Variants in CCSER1 observed in about 807,000 individuals in gnomAD.
CCSER1 encodes serine-rich coiled-coil domain-containing protein 1.
Under a neutral mutation model 82.0 loss-of-function variants are expected in CCSER1, and 41 were observed. That is an observed-to-expected ratio of 0.50 (90% CI 0.39 to 0.65). The LOEUF is 0.65. Ranked by LOEUF, CCSER1 falls within the 30% of genes least tolerant of loss-of-function variation. The pLI is 0.00. For missense variants in CCSER1, 1,119 were observed against 1,064.2 expected (o/e 1.05, Z -0.72); for synonymous variants, 414 against 383.9 (o/e 1.08, Z -0.92).
chr4:90,360,579 C>CAAAAAA (rs61140876), intron 3 of CCSER1, among the ~76,000 whole-genome samples: 10 of 75,972 alleles, frequency 1.3e-4, no homozygotes, highest in African/African-American at 4.9e-4. Flanking sequence ...GACTCCGTCT[C>CAAAAAA]AAAAAAAAAA....
chr4:90,323,827 A>C (rs1737618826), intron 3 of CCSER1, among the ~76,000 whole-genome samples: 2 of 150,800 alleles, frequency 1.3e-5, no homozygotes, highest in South Asian at 4.2e-4. Context: ...CTCTCTTCCC[A>C]CCCCACAACA....
Position 91,159,281 on chromosome 4 carries a change from A to G in CCSER1, c.2217+73287A>G, listed in dbSNP as rs183752493. Among the ~76,000 whole-genome samples the G allele has an allele frequency of 1.1e-3, 161 of 152,094 alleles. 1 individual carries two copies. The highest frequency in any genetic ancestry group is 3.7e-3 in the African/African-American group (154 of 41,532). On this transcript the variant is annotated intron_variant, in intron 10 of 10. Coordinates refer to ENST00000509176, the MANE Select transcript of CCSER1 (RefSeq NM_001145065.2). Reference sequence around the variant, plus strand: ...AAAATCTCAACCATTGTTAATGCCTATATTAAATCAATGCCATGCTGAAAA... The same window carrying G: ...AAAATCTCAACCATTGTTAATGCCTGTATTAAATCAATGCCATGCTGAAAA...
At chr4:91,426,521 A>T in intron 10 of CCSER1, among the ~76,000 whole-genome samples, 1 of 152,104 alleles carries the variant, frequency 6.6e-6, no homozygotes, top group East Asian at 1.9e-4. Flanking sequence ...AAAAAAAGAA[A>T]AGTAGTGGAT....
At chr4:90,656,919 CT>C (rs1729804532) in intron 6 of CCSER1, among the ~76,000 whole-genome samples, 1 of 151,880 alleles carries the variant, frequency 6.6e-6, no homozygotes, top group African/African-American at 2.4e-5. Context: ...CATTAAAATA[CT>C]TTATTTATCT....
At chr4:90,765,762 C>T (rs1280671202) in intron 7 of CCSER1, among the ~76,000 whole-genome samples, 1 of 152,066 alleles carries the variant, frequency 6.6e-6, no homozygotes, top group African/African-American at 2.4e-5. Context: ...CAGACTGATA[C>T]ATTGATAAGG....
chr4:90,236,387 A>C (rs1167370762), intron 1 of CCSER1, among the ~76,000 whole-genome samples: 1 of 152,160 alleles, frequency 6.6e-6, no homozygotes, highest in African/African-American at 2.4e-5. Flanking sequence ...TTACAAAACA[A>C]ATTGTTTACC....
rs373705992 is a variant in CCSER1, at chr4:90,533,982, A to G, written c.1724+65628A>G. Among the ~76,000 whole-genome samples, 22 of 152,360 alleles carry G rather than the reference A, an allele frequency of 1.4e-4. No homozygotes were observed. The East Asian group carries it at 3.5e-3, about 24-fold the overall frequency. On this transcript the variant is annotated intron_variant, in intron 5 of 10. Transcript: ENST00000509176. ...AGAATAATACAGTTTCCTGAAAGTA[A>G]TTATGTTGCCAAAGTTTACAGACAG...
intron 10 of CCSER1, among the ~76,000 whole-genome samples, chr4:91,220,860 C>T (rs1737676333): frequency 6.6e-6 from 1 of 151,872 alleles, no homozygotes; most frequent in Admixed American, 6.6e-5. Flanking sequence ...ACTATATATA[C>T]ATATATATCA....
At chr4:91,460,844 C>G (rs1346070302) in intron 10 of CCSER1, among the ~76,000 whole-genome samples, 1 of 151,976 alleles carries the variant, frequency 6.6e-6, no homozygotes, top group African/African-American at 2.4e-5. Flanking sequence ...GCTTTCACCA[C>G]AAATCCCAAA....
intron 10 of CCSER1, among the ~76,000 whole-genome samples, chr4:91,230,787 T>C (rs1738567208): frequency 6.6e-6 from 1 of 151,832 alleles, no homozygotes; most frequent in Admixed American, 6.6e-5. Context: ...GAATCACAAG[T>C]TAAAACACAA....
chr4:90,724,075 G>A, intron 7 of CCSER1, 84 bp downstream of exon 7: 1 of 782,240 alleles, frequency 1.3e-6, no homozygotes, highest in South Asian at 2.0e-5. Flanking sequence ...TGTAGATGGT[G>A]AAGTGAACTG....
At chr4:91,122,288 T>C (rs556945466) in intron 10 of CCSER1, among the ~76,000 whole-genome samples, 3 of 151,944 alleles carry the variant, frequency 2.0e-5, no homozygotes, top group African/African-American at 7.2e-5. Context: ...GACTCGTAGA[T>C]ACAGAAATAA....
At chr4:90,543,352 G>C (rs1383372963) in intron 5 of CCSER1, among the ~76,000 whole-genome samples, 1 of 152,104 alleles carries the variant, frequency 6.6e-6, no homozygotes, top group Non-Finnish European at 1.5e-5. Context: ...TACATAAGAA[G>C]ACATTGTAAA....
At chr4:90,780,157 C>T (rs778644887) in intron 7 of CCSER1, among the ~76,000 whole-genome samples, 1 of 152,134 alleles carries the variant, frequency 6.6e-6, no homozygotes, top group Non-Finnish European at 1.5e-5. Context: ...TCCCTGAGTT[C>T]CTGTTAGGCA....
At position 91,603,348 on chromosome 4, in the gene CCSER1, C is replaced by A. The variant is rs141630404; in HGVS notation, c.*4291C>A. The A allele has an allele frequency of 6.6e-6, 1 of 152,046 alleles. No individual in the cohort carries two copies. Among genetic ancestry groups the A allele is most frequent in the South Asian group, 2.1e-4 (1 of 4,828 alleles). 9.4% of individuals were successfully genotyped at this position (152,046 alleles called of 1,614,324 possible). On this transcript the variant is annotated 3_prime_UTR_variant, in exon 11 of 11. Transcript: ENST00000509176. The stretch of plus-strand genomic sequence containing the variant: ...TATTTATTTACAATACATTTGATCT[C>A]GTTAAGACCCCAGTTCTATTTCCAA...
At position 91,492,952 on chromosome 4, in the gene CCSER1, G is replaced by C. The variant is rs571952321; in HGVS notation, c.2218-105620G>C. Among the ~76,000 whole-genome samples, 3 of 152,122 alleles carry C rather than the reference G, an allele frequency of 2.0e-5. 1 individual carries two copies. The South Asian group carries it at 6.2e-4, about 31-fold the overall frequency. On this transcript the variant is annotated intron_variant, in intron 10 of 10. Coordinates refer to ENST00000509176, the MANE Select transcript of CCSER1 (RefSeq NM_001145065.2). ...TTATGAAGTATGACTAGACACATGA[G>C]TTCTCATTTTACATAGTGTAGATTA...
chr4:91,507,742 A>T (rs1032905223), intron 10 of CCSER1, among the ~76,000 whole-genome samples: 12 of 151,778 alleles, frequency 7.9e-5, no homozygotes, highest in East Asian at 1.9e-4. Flanking sequence ...GAAGCAATTT[A>T]AAAAAATTTT....
chr4:90,965,966 C>A (rs762124035), intron 9 of CCSER1, among the ~76,000 whole-genome samples: 1 of 151,934 alleles, frequency 6.6e-6, no homozygotes, highest in Non-Finnish European at 1.5e-5. Flanking sequence ...AGTATAGTAA[C>A]TGAAATGAAA....
intron 10 of CCSER1, among the ~76,000 whole-genome samples, chr4:91,245,943 A>G (rs765328518): frequency 1.3e-5 from 2 of 152,072 alleles, no homozygotes; most frequent in Non-Finnish European, 1.5e-5. Context: ...TGATCCACCC[A>G]CCTCGGCCTC....
Sources: gnomAD v4.1 joint callset for allele counts (sites outside exome capture counted in the v4.1 genomes callset) on GRCh38, gnomAD v4.1.1 for gene constraint, MANE v1.5 for transcripts, NCBI Gene and HGNC (gene_info 2026-07-23, HGNC 2026-07-21) for gene names.